APBA1: variants seen among roughly 807,000 people sequenced by gnomAD.
APBA1 encodes amyloid beta precursor protein binding family A member 1, also known as amyloid-beta A4 precursor protein-binding family A member 1.
In APBA1, 55 loss-of-function variants were observed where a neutral mutation model predicts 86.6. The observed-to-expected ratio is 0.64, with a 90% CI of 0.51 to 0.80. The LOEUF (loss-of-function observed/expected upper bound fraction) is 0.80. Among genes scored for constraint, APBA1 ranks in the 30% least tolerant of loss-of-function variants. The pLI is 0.00. For missense variants in APBA1, 1,090 were observed against 1,183.0 expected, an observed-to-expected ratio of 0.92 and a Z score of 1.15; for synonymous variants, 511 against 493.9, an observed-to-expected ratio of 1.03 and a Z score of -0.46.
At chr9:69,653,927 G>A (rs1444361753) in intron 1 of APBA1, among the ~76,000 whole-genome samples, 1 of 151,952 alleles carries the variant, frequency 6.6e-6, no homozygotes, top group Non-Finnish European at 1.5e-5. Flanking sequence ...GACGAACATG[G>A]AGAAACCCTG....
At chr9:69,654,910 A>T (rs1823578254) in intron 1 of APBA1, among the ~76,000 whole-genome samples, 1 of 152,232 alleles carries the variant, frequency 6.6e-6, no homozygotes, top group Non-Finnish European at 1.5e-5. Flanking sequence ...ATATAGGCAA[A>T]TCAATTAACA....
chr9:69,543,233 T>G (rs1836645141), intron 1 of APBA1, among the ~76,000 whole-genome samples: 1 of 151,388 alleles, frequency 6.6e-6, no homozygotes, highest in Non-Finnish European at 1.5e-5. Context: ...TGCGGGCTGC[T>G]GGCAGCTGGC....
At chr9:69,518,495 C>G (rs1383888513) in intron 1 of APBA1, among the ~76,000 whole-genome samples, 1 of 152,026 alleles carries the variant, frequency 6.6e-6, no homozygotes, top group East Asian at 1.9e-4. Context: ...ACTTGTAGCT[C>G]GAGAGAAAGA....
At chr9:69,586,152 A>G (rs529238358) in intron 1 of APBA1, among the ~76,000 whole-genome samples, 24 of 152,274 alleles carry the variant, frequency 1.6e-4, no homozygotes, top group Non-Finnish European at 2.9e-4. Flanking sequence ...TCCATACATA[A>G]TAACCACTAT....
intron 2 of APBA1, among the ~76,000 whole-genome samples, chr9:69,501,731 G>A (rs1430302408): frequency 6.6e-6 from 1 of 151,868 alleles, no homozygotes; most frequent in Non-Finnish European, 1.5e-5. Context: ...GGTAGGTTGA[G>A]GCAGGAGGAT....
At position 69,551,405 on chromosome 9, in the gene APBA1, T is replaced by C. The variant is rs1333555115; in HGVS notation, c.-69-34126A>G. Among the ~76,000 whole-genome samples, 4 of 151,984 alleles carry C rather than the reference T, an allele frequency of 2.6e-5. No homozygotes were observed. The East Asian group carries it at 7.8e-4, about 30-fold the overall frequency. Reference sequence around the variant, plus strand: ...TGTCTCTACTAAAGATACAAAAAATTAGCTGGGCGTGGTGGCACACGCCTG... The same window carrying C: ...TGTCTCTACTAAAGATACAAAAAATCAGCTGGGCGTGGTGGCACACGCCTG... On this transcript the variant is annotated intron_variant, in intron 1 of 12. Transcript: ENST00000265381.
At chr9:69,450,150 C>T (rs1834982367) in intron 9 of APBA1, among the ~76,000 whole-genome samples, 1 of 139,080 alleles carries the variant, frequency 7.2e-6, no homozygotes, top group Non-Finnish European at 1.5e-5. Flanking sequence ...GTTATGGTTT[C>T]TAGAAATAGC....
At chr9:69,469,411 T>A (rs1237679) in intron 4 of APBA1, among the ~76,000 whole-genome samples, 79,642 of 152,126 alleles carry the variant, frequency 0.52, 21,712 homozygotes, top group African/African-American at 0.66. Flanking sequence ...CTACTCATTT[T>A]TCTAAAACTA....
At position 69,431,162 on chromosome 9, in the gene APBA1, G is replaced by T; in HGVS notation, c.*165C>A. ...TATTGAAAAAAAAAAAAAAAAAAAA[G>T]CAAATCGGAGAGAGTAAAGAGGTCC... On this transcript the variant is annotated 3_prime_UTR_variant, in exon 13 of 13. Coordinates refer to ENST00000265381, the MANE Select transcript of APBA1 (RefSeq NM_001163.4). The T allele has an allele frequency of 2.7e-6, 1 of 367,016 alleles. No individual in the cohort carries two copies. Among genetic ancestry groups the T allele is most frequent in the Non-Finnish European group, 4.7e-6 (1 of 210,762 alleles). The allele number at this position is 367,016 out of a possible 1,614,324, so 22.7% of individuals were successfully genotyped here.
At chr9:69,616,022 C>G (rs577968129) in intron 1 of APBA1, among the ~76,000 whole-genome samples, 6 of 152,302 alleles carry the variant, frequency 3.9e-5, no homozygotes, top group African/African-American at 1.2e-4. Flanking sequence ...CTCTTTCCCC[C>G]CTTAATGCTA....
At chr9:69,665,832 T>C (rs780795036) in intron 1 of APBA1, among the ~76,000 whole-genome samples, 106 of 152,112 alleles carry the variant, frequency 7.0e-4, no homozygotes, top group Non-Finnish European at 1.3e-4. Context: ...GCCTCCCAGG[T>C]TCAAGCAATT....
At chr9:69,476,313 G>T (rs1197417780) in intron 2 of APBA1, among the ~76,000 whole-genome samples, 170 bp from the exon 3 acceptor site, 3 of 152,150 alleles carry the variant, frequency 2.0e-5, no homozygotes, top group Non-Finnish European at 2.9e-5. Context: ...AAACACTTGT[G>T]GTTTTCAAGC....
chr9:69,457,904 A>G (rs1400528540), intron 6 of APBA1, among the ~76,000 whole-genome samples: 2 of 152,170 alleles, frequency 1.3e-5, no homozygotes, highest in African/African-American at 2.4e-5. Context: ...ATACTACTAT[A>G]CGATTCATTC....
intron 1 of APBA1, among the ~76,000 whole-genome samples, chr9:69,667,165 TAC>T (rs1823856402): frequency 6.6e-6 from 1 of 152,216 alleles, no homozygotes; most frequent in Admixed American, 6.5e-5. Flanking sequence ...TTACAGGAAA[TAC>T]AAGTGGAGTC....
At chr9:69,626,204 G>A (rs538848696) in intron 1 of APBA1, among the ~76,000 whole-genome samples, 94 of 152,288 alleles carry the variant, frequency 6.2e-4, no homozygotes, top group African/African-American at 2.1e-3. Context: ...TGGCTATGCT[G>A]AAGACAAACT....
chr9:69,603,787 C>A (rs377408376), intron 1 of APBA1, among the ~76,000 whole-genome samples: 1 of 152,168 alleles, frequency 6.6e-6, no homozygotes, highest in Non-Finnish European at 1.5e-5. Flanking sequence ...GCATCATTAA[C>A]AATTATGCTG....
At chr9:69,548,062 G>A (rs1353379200) in intron 1 of APBA1, among the ~76,000 whole-genome samples, 1 of 152,198 alleles carries the variant, frequency 6.6e-6, no homozygotes, top group Non-Finnish European at 1.5e-5. Context: ...TAAAAATGGA[G>A]AATCTTTTCC....
chr9:69,545,280 AC>A (rs1235682053), intron 1 of APBA1, among the ~76,000 whole-genome samples: 1 of 152,230 alleles, frequency 6.6e-6, no homozygotes, highest in African/African-American at 2.4e-5. Flanking sequence ...GGAGACTGGG[AC>A]AAAAAGCCAA....
In APBA1 at chr9:69,491,168, T is replaced by C. The variant is rs554199425; in HGVS notation, c.1201-15025A>G. The stretch of plus-strand genomic sequence containing the variant: ...GACACATGCACACGTATGTTTATTG[T>C]GGCACTATTCACAATAGCAAAGACT... On this transcript the variant is annotated intron_variant, in intron 2 of 12. Transcript: ENST00000265381. Among the ~76,000 whole-genome samples the C allele has an allele frequency of 7.9e-5, 12 of 152,138 alleles. No individual in the cohort carries two copies. The South Asian group carries it at 8.3e-4, about 11-fold the overall frequency.
Sources: gnomAD v4.1 joint callset for allele counts (sites outside exome capture counted in the v4.1 genomes callset) on GRCh38, gnomAD v4.1.1 for gene constraint, MANE v1.5 for transcripts, NCBI Gene and HGNC (gene_info 2026-07-23, HGNC 2026-07-21) for gene names.